RABL3: variants seen among roughly 807,000 people sequenced by gnomAD.
The protein encoded by RABL3 is rab-like protein 3.
RABL3 carries 31 observed loss-of-function variants against 31.8 expected under a neutral mutation model. That is an observed-to-expected ratio of 0.97 (90% CI 0.73 to 1.31). The LOEUF (loss-of-function observed/expected upper bound fraction) is 1.31. Among genes scored for constraint, RABL3 ranks in the 40% most tolerant of loss-of-function variants. The pLI is 0.00. For missense variants in RABL3, 263 were observed against 279.6 expected (o/e 0.94, Z 0.42); for synonymous variants, 97 against 99.9 (o/e 0.97, Z 0.18).
At chr3:120,711,913 C>T (rs1708616959) in intron 2 of RABL3, among the ~76,000 whole-genome samples, 1 of 152,098 alleles carries the variant, frequency 6.6e-6, no homozygotes. Flanking sequence ...GGCCTAGATT[C>T]TACTCCTTGA....
chr3:120,729,487 A>G (rs948330572), intron 2 of RABL3, among the ~76,000 whole-genome samples: 6 of 152,158 alleles, frequency 3.9e-5, no homozygotes, highest in African/African-American at 1.4e-4. Flanking sequence ...GAGCATAGCT[A>G]CCTCTCCTCC....
intron 1 of RABL3, among the ~76,000 whole-genome samples, chr3:120,732,770 T>C (rs2107596243): frequency 7.0e-6 from 1 of 143,280 alleles, no homozygotes; most frequent in Admixed American, 7.1e-5. Context: ...TGTCCAAGTG[T>C]TCTCATTGTT....
chr3:120,717,732 G>A (rs1000341372), intron 2 of RABL3, among the ~76,000 whole-genome samples: 41 of 152,120 alleles, frequency 2.7e-4, no homozygotes, highest in African/African-American at 9.4e-4. Flanking sequence ...ACCTCCCAAC[G>A]TGCTGGGATT....
chr3:120,724,436 T>C (rs535878535), intron 2 of RABL3, among the ~76,000 whole-genome samples: 3 of 152,226 alleles, frequency 2.0e-5, no homozygotes, highest in Admixed American at 2.0e-4. Context: ...CTTCACAGAA[T>C]TGGAAAAAAA....
chr3:120,722,929 G>A (rs1186646671), intron 2 of RABL3, among the ~76,000 whole-genome samples: 1 of 138,646 alleles, frequency 7.2e-6, no homozygotes, highest in Non-Finnish European at 1.7e-5. Context: ...CTAGCAGAAG[G>A]CAAGAAATAA....
intron 2 of RABL3, among the ~76,000 whole-genome samples, chr3:120,713,025 G>A (rs1310130843): frequency 6.6e-6 from 1 of 151,860 alleles, no homozygotes; most frequent in African/African-American, 2.4e-5. Flanking sequence ...AACCACTGCA[G>A]TACACCATTT....
At chr3:120,734,425 A>C (rs1274995756) in intron 1 of RABL3, among the ~76,000 whole-genome samples, 2 of 152,252 alleles carry the variant, frequency 1.3e-5, no homozygotes, top group African/African-American at 4.8e-5. Context: ...GTAGCTTATC[A>C]GCTTACGGAG....
chr3:120,739,516 C>A (rs1419617306), intron 1 of RABL3, among the ~76,000 whole-genome samples: 1 of 152,128 alleles, frequency 6.6e-6, no homozygotes, highest in Non-Finnish European at 1.5e-5. Context: ...TTGATCTACT[C>A]TGTACCTTTA....
At chr3:120,695,148 T>A (rs936798448) in intron 5 of RABL3, among the ~76,000 whole-genome samples, 1 of 152,068 alleles carries the variant, frequency 6.6e-6, no homozygotes, top group Non-Finnish European at 1.5e-5. Context: ...ATTACTATTA[T>A]TACATTTATT....
intron 3 of RABL3, among the ~76,000 whole-genome samples, chr3:120,708,865 T>C (rs573294300): frequency 5.9e-5 from 9 of 152,146 alleles, no homozygotes; most frequent in African/African-American, 2.2e-4. Flanking sequence ...TATTCTATAA[T>C]ATGTATCCAA....
intron 2 of RABL3, among the ~76,000 whole-genome samples, chr3:120,712,203 T>C (rs1027787839): frequency 7.2e-5 from 11 of 152,160 alleles, no homozygotes; most frequent in African/African-American, 2.4e-5. Context: ...AACAGCCACA[T>C]TGACATTAAG....
At chr3:120,695,309 G>A (rs544248306) in intron 5 of RABL3, among the ~76,000 whole-genome samples, 1 of 152,156 alleles carries the variant, frequency 6.6e-6, no homozygotes, top group African/African-American at 2.4e-5. Context: ...CTACAACAAA[G>A]TTGTCAAAGA....
intron 1 of RABL3, among the ~76,000 whole-genome samples, chr3:120,733,343 T>C (rs1193495860): frequency 6.6e-6 from 1 of 152,206 alleles, no homozygotes; most frequent in Non-Finnish European, 1.5e-5. Flanking sequence ...ATGTGTCTTT[T>C]GGCTGCATAA....
intron 5 of RABL3, among the ~76,000 whole-genome samples, chr3:120,698,151 G>A (rs976186641): frequency 2.6e-5 from 4 of 152,128 alleles, no homozygotes; most frequent in Admixed American, 6.5e-5. Context: ...GCGACAGAGC[G>A]AGACTCTGTT....
chr3:120,735,607 T>G (rs1230256871), intron 1 of RABL3, among the ~76,000 whole-genome samples: 1 of 152,140 alleles, frequency 6.6e-6, no homozygotes, highest in Non-Finnish European at 1.5e-5. Flanking sequence ...TGTTTGCTCT[T>G]GCTTCTCTAG....
chr3:120,723,124 C>G (rs186474624), intron 2 of RABL3, among the ~76,000 whole-genome samples: 1 of 152,032 alleles, frequency 6.6e-6, no homozygotes, highest in African/African-American at 2.4e-5. Flanking sequence ...ATATCACCAC[C>G]GATCCCACAG....
At position 120,686,590 on chromosome 3, in the gene RABL3, T is replaced by C. The variant is rs2107570482; in HGVS notation, c.*3233A>G. The C allele has an allele frequency of 6.6e-6, 1 of 152,350 alleles. No individual in the cohort carries two copies. Among genetic ancestry groups the C allele is most frequent in the East Asian group, 1.9e-4 (1 of 5,184 alleles). The allele number at this position is 152,350 out of a possible 1,614,324, so 9.4% of individuals were successfully genotyped here. A position where few individuals can be genotyped will look rare whatever the true frequency, so the allele number is the denominator to read the frequency against. ...TAATATGGATCAACTCTTTTGGGAA[T>C]AGCTTTTCTTAGAGCACTGTAGCGG... On this transcript the variant is annotated 3_prime_UTR_variant, in exon 8 of 8. Coordinates refer to ENST00000273375, the MANE Select transcript of RABL3 (RefSeq NM_173825.5).
chr3:120,694,093 A>T (rs1708409348), intron 6 of RABL3, 60 bp downstream of exon 6: 2 of 1,134,614 alleles, frequency 1.8e-6, no homozygotes, highest in Non-Finnish European at 2.6e-6. Flanking sequence ...TCTACAAAAA[A>T]ATTTTAAACT....
At chr3:120,742,517 G>C (rs374145473), upstream of RABL3, 4 of 1,613,958 alleles carry the variant, frequency 2.5e-6, no homozygotes, top group Non-Finnish European at 8.5e-7. Flanking sequence ...TCTTGCCACT[G>C]CCTTCCCTGG....
Sources: allele counts gnomAD v4.1 joint callset (sites outside exome capture counted in the v4.1 genomes callset), GRCh38; gene constraint gnomAD v4.1.1; transcripts MANE v1.5; gene names NCBI Gene and HGNC (gene_info 2026-07-23, HGNC 2026-07-21).